The following PPP2R5C variants were observed in gnomAD, a reference collection of about 807,000 sequenced individuals.
The protein encoded by PPP2R5C is protein phosphatase 2 regulatory subunit B'gamma, also known as serine/threonine-protein phosphatase 2A 56 kDa regulatory subunit gamma isoform.
A neutral mutation model predicts 68.9 loss-of-function variants in PPP2R5C; 7 were observed. The ratio of observed to expected loss-of-function variants is 0.10; its 90% confidence interval spans 0.06 to 0.19. The LOEUF is 0.19. Ranked by LOEUF, PPP2R5C falls within the 10% of genes least tolerant of loss-of-function variation. PPP2R5C has a pLI of 1.00. For missense variants in PPP2R5C, 348 were observed against 641.3 expected (o/e 0.54, Z 4.94); for synonymous variants, 210 against 222.2 (o/e 0.95, Z 0.49).
At chr14:101,782,864 C>A (rs1471623227) in intron 2 of PPP2R5C, among the ~76,000 whole-genome samples, 1 of 2,684 alleles carries the variant, frequency 3.7e-4, no homozygotes, top group East Asian at 4.9e-3. Flanking sequence ...TTTCCTCCTC[C>A]CCCCTTCCCC....
At chr14:101,774,650 C>T (rs755323605) in intron 2 of PPP2R5C, among the ~76,000 whole-genome samples, 4 of 152,156 alleles carry the variant, frequency 2.6e-5, no homozygotes, top group East Asian at 1.9e-4. Flanking sequence ...TGACTGCCTC[C>T]GCAAATCTTT....
rs531987834 is a variant in PPP2R5C, at chr14:101,818,834, G to A, written c.94+8798G>A. ...TGGTGTTTTCAGTAGAATTTGAGCT[G>A]TTAACAGTGATTAGGTTTTTTCAGT... is the stretch of plus-strand genomic sequence containing the variant. On this transcript the variant is annotated intron_variant, in intron 1 of 13. Transcript: ENST00000334743. 7 of 599,374 alleles carry A rather than the reference G, an allele frequency of 1.2e-5. No individual in the cohort carries two copies. The Admixed American group carries it at 1.4e-4, about 12-fold the overall frequency. 37.1% of individuals were successfully genotyped at this position (599,374 alleles called of 1,614,324 possible).
chr14:101,820,157 A>G (rs1241726076), intron 1 of PPP2R5C: 1 of 152,206 alleles, frequency 6.6e-6, no homozygotes, highest in African/African-American at 2.4e-5. Context: ...TTTGGCTGAT[A>G]TTTTCTAGAA....
rs34641396 is a variant in PPP2R5C at position 101,919,969 on chromosome 14, CAAAAAAAAAAA to C, written c.1443+2035_1443+2045del. On this transcript the variant is annotated intron_variant, in intron 13 of 13. Transcript: ENST00000334743. ...GGGCAAGAAAAGCAAAACTCCGTCT[CAAAAAAAAAAA>C]AAAAAAAAAAAACCAATTCTTACAC... Among the ~76,000 whole-genome samples the C allele has an allele frequency of 7.6e-5, 4 of 52,884 alleles. No homozygotes were observed. In the South Asian group the frequency reaches 3.1e-3, roughly 41 times the overall value. The allele number at this position is 52,884 out of a possible 152,430, so 34.7% of individuals were successfully genotyped here.
rs898793099 is a variant in PPP2R5C, at chr14:101,925,506, C to A, written c.*234C>A. The A allele has an allele frequency of 5.0e-5, 29 of 575,368 alleles. No individual in the cohort carries two copies. The South Asian group carries it at 7.1e-4, about 14-fold the overall frequency. The allele number at this position is 575,368 out of a possible 1,614,324, so 35.6% of individuals were successfully genotyped here. ...CGACGGTGTCCTCGCAGTGTCGCCGCCACCCCAGCGTAGTCCAAGTCAGAC... is the reference window on the plus strand; with the variant it reads ...CGACGGTGTCCTCGCAGTGTCGCCGACACCCCAGCGTAGTCCAAGTCAGAC... On this transcript the variant is annotated 3_prime_UTR_variant, in exon 14 of 14. Coordinates refer to ENST00000334743, the Ensembl canonical transcript of PPP2R5C.
intron 5 of PPP2R5C, among the ~76,000 whole-genome samples, chr14:101,884,735 C>T (rs1302276231): frequency 6.6e-6 from 1 of 152,212 alleles, no homozygotes; most frequent in African/African-American, 2.4e-5. Context: ...GTCTTTTTTA[C>T]ACCAGCCCTT....
Position 101,916,119 on chromosome 14 carries a change from G to A in PPP2R5C, c.1327-1712G>A, listed in dbSNP as rs1430311321. ...CAGCAGATATTAAAGAGCCATAAAG[G>A]GCAAAATGGCCCAGCCCGACTTGCA... On this transcript the variant is annotated intron_variant, in intron 12 of 13. Transcript: ENST00000334743. This position sits in a 1 kb window ranked among gnomAD's most constrained non-coding sequence, Gnocchi z 5.5. 6.6e-6 allele frequency among the ~76,000 whole-genome samples: 1 copy of A among 152,222 alleles called. No homozygotes were observed. The highest frequency in any genetic ancestry group is 2.4e-5 in the African/African-American group (1 of 41,458).
intron 2 of PPP2R5C, among the ~76,000 whole-genome samples, chr14:101,859,216 G>A (rs553848656): frequency 3.3e-5 from 5 of 152,298 alleles, no homozygotes; most frequent in East Asian, 1.9e-4. Context: ...TCATTTTCAC[G>A]TGGGAGACAA....
intron 1 of PPP2R5C, among the ~76,000 whole-genome samples, chr14:101,811,005 C>T (rs921400914): frequency 1.3e-5 from 2 of 152,166 alleles, no homozygotes; most frequent in African/African-American, 2.4e-5. Context: ...CTCAGAATCT[C>T]TTTTAAGGAA....
chr14:101,874,070 G>A (rs1296170205), intron 2 of PPP2R5C, among the ~76,000 whole-genome samples: 3 of 152,154 alleles, frequency 2.0e-5, no homozygotes, highest in Non-Finnish European at 4.4e-5. Context: ...CGTCCACCCA[G>A]GGGATCTAGC....
At chr14:101,876,576 C>T (rs1027793698) in intron 2 of PPP2R5C, among the ~76,000 whole-genome samples, 9 of 152,190 alleles carry the variant, frequency 5.9e-5, no homozygotes, top group Non-Finnish European at 1.2e-4. Flanking sequence ...CGTAAAGTTG[C>T]TTCTTGGGCC....
chr14:101,804,898 G>A (rs1462476479), upstream of PPP2R5C, among the ~76,000 whole-genome samples: 1 of 152,144 alleles, frequency 6.6e-6, no homozygotes, highest in African/African-American at 2.4e-5. Flanking sequence ...ATAAACGCTT[G>A]AGGGGATGAA....
Position 101,862,714 on chromosome 14 carries a change from G to T in PPP2R5C, c.294+5829G>T, listed in dbSNP as rs1438808296. On this transcript the variant is annotated intron_variant, in intron 2 of 13. Transcript: ENST00000334743. ...TTTTTCTATTAAAACAGACATTAAA[G>T]AAATTTACAGAAATGTAAAACAGTG... 2.0e-5 allele frequency among the ~76,000 whole-genome samples: 3 copies of T among 151,680 alleles called. No homozygotes were observed. In the East Asian group the frequency reaches 5.8e-4, roughly 29 times the overall value.
At chr14:101,926,454 T>C (rs958761466) in exon 14 of PPP2R5C, 3 of 152,690 alleles carry the variant, frequency 2.0e-5, no homozygotes, top group Non-Finnish European at 4.4e-5. Context: ...GTTCCTTGCA[T>C]GTACTGAGCT....
chr14:101,891,129 C>T lies in PPP2R5C; in HGVS notation c.689+833C>T, dbSNP rs1451259274. Among the ~76,000 whole-genome samples, 1 of 152,220 alleles carries T rather than the reference C, an allele frequency of 6.6e-6. No homozygotes were observed. Among genetic ancestry groups the T allele is most frequent in the African/African-American group, 2.4e-5 (1 of 41,532 alleles). Reference sequence around the variant, plus strand: ...TATTAGACCTTCTAACCCACTGTTTCCCAGAGTTCCTCAGGGTCCCATGGT... The same window carrying T: ...TATTAGACCTTCTAACCCACTGTTTTCCAGAGTTCCTCAGGGTCCCATGGT... On this transcript the variant is annotated intron_variant, in intron 6 of 13. Coordinates refer to ENST00000334743, the Ensembl canonical transcript of PPP2R5C. This position sits in a 1 kb window ranked among gnomAD's most constrained non-coding sequence, Gnocchi z 4.9.
At chr14:101,910,250 G>A (rs1475905427) in intron 11 of PPP2R5C, among the ~76,000 whole-genome samples, 3 of 152,192 alleles carry the variant, frequency 2.0e-5, no homozygotes, top group African/African-American at 7.2e-5. Flanking sequence ...AAGTAATAAT[G>A]TGATTAAATA....
At chr14:101,864,168 G>GT (rs1347528211) in intron 2 of PPP2R5C, among the ~76,000 whole-genome samples, 1 of 152,082 alleles carries the variant, frequency 6.6e-6, no homozygotes, top group African/African-American at 2.4e-5. Flanking sequence ...TCAATATGAG[G>GT]TTTTCTGCAT....
rs187599616 is a variant in PPP2R5C, at chr14:101,907,520, C to T, written c.1151+991C>T. Among the ~76,000 whole-genome samples the T allele has an allele frequency of 2.0e-3, 301 of 152,226 alleles. 2 individuals carry two copies. The highest frequency in any genetic ancestry group is 3.2e-3 in the Non-Finnish European group (219 of 68,006). ...AATATTCCTGCTATTTAAAGAAATA[C>T]GACTGAGTTTTTCTTTCCCCACCTT... On this transcript the variant is annotated intron_variant, in intron 10 of 13. Transcript: ENST00000334743.
At chr14:101,817,502 G>A (rs912282763) in intron 1 of PPP2R5C, among the ~76,000 whole-genome samples, 2 of 152,188 alleles carry the variant, frequency 1.3e-5, no homozygotes, top group African/African-American at 2.4e-5. Flanking sequence ...TGACAAAACA[G>A]CGTTTTTGGG....
Sources: gnomAD v4.1 joint callset for allele counts (sites outside exome capture counted in the v4.1 genomes callset) on GRCh38, gnomAD v4.1.1 for gene constraint, Gnocchi (gnomAD v3.1) non-coding constraint, MANE v1.5 for transcripts, NCBI Gene and HGNC (gene_info 2026-07-23, HGNC 2026-07-21) for gene names.